ENTPD3: variants seen among roughly 807,000 people sequenced by gnomAD.
ENTPD3 encodes ectonucleoside triphosphate diphosphohydrolase 3.
In ENTPD3, 60 loss-of-function variants were observed where a neutral mutation model predicts 51.2. That is an observed-to-expected ratio of 1.17 (90% CI 0.95 to 1.45). The LOEUF (loss-of-function observed/expected upper bound fraction) is 1.45, where lower values mean the gene tolerates loss of function less well. ENTPD3 is among the 40% of genes most tolerant of loss of function. ENTPD3 has a pLI of 0.00. For synonymous variants in ENTPD3, 221 were observed against 238.4 expected, an observed-to-expected ratio of 0.93 and a Z score of 0.67; for missense variants, 593 against 641.1, an observed-to-expected ratio of 0.93 and a Z score of 0.81.
intron 5 of ENTPD3, among the ~76,000 whole-genome samples, chr3:40,412,719 T>C (rs1389438350): frequency 1.3e-5 from 2 of 152,196 alleles, no homozygotes; most frequent in African/African-American, 2.4e-5. Flanking sequence ...CGCAAAATTA[T>C]CTATGTCTGA....
At chr3:40,415,765 C>A in intron 6 of ENTPD3, 75 bp from the exon 7 acceptor site, 1 of 1,174,296 alleles carries the variant, frequency 8.5e-7, no homozygotes, top group Non-Finnish European at 1.3e-6. Flanking sequence ...GGAGACGAGG[C>A]TTGGGTGGAG....
intron 4 of ENTPD3, among the ~76,000 whole-genome samples, chr3:40,405,247 T>C (rs764796298): frequency 4.6e-5 from 7 of 152,158 alleles, no homozygotes; most frequent in African/African-American, 7.2e-5. Flanking sequence ...GGCTCATGCC[T>C]GTAATCCCAG....
intron 3 of ENTPD3, among the ~76,000 whole-genome samples, chr3:40,399,880 A>G (rs1347098340): frequency 6.6e-6 from 1 of 152,174 alleles, no homozygotes; most frequent in Non-Finnish European, 1.5e-5. Flanking sequence ...ACACATTGCC[A>G]AAGTGTGATC....
rs980738242 is a variant in ENTPD3 at position 40,389,051 on chromosome 3, C to T, written c.40+954C>T. Among the ~76,000 whole-genome samples, 4 of 152,236 alleles carry T rather than the reference C, an allele frequency of 2.6e-5. No individual in the cohort carries two copies. The East Asian group carries it at 5.8e-4, about 22-fold the overall frequency. On this transcript the variant is annotated intron_variant, in intron 2 of 10. Coordinates refer to ENST00000301825, the MANE Select transcript of ENTPD3 (RefSeq NM_001248.4). ...GGATAGTAAGGGCAATCTATATGAA[C>T]TTTTATTTTTGTAAAGGGACATTGC...
chr3:40,424,556 TA>T (rs1301695949), intron 10 of ENTPD3, among the ~76,000 whole-genome samples: 1 of 151,904 alleles, frequency 6.6e-6, no homozygotes, highest in Non-Finnish European at 1.5e-5. Flanking sequence ...TTAATATATT[TA>T]AAAATATGTA....
intron 3 of ENTPD3, among the ~76,000 whole-genome samples, chr3:40,397,564 A>T (rs185055416): frequency 6.6e-6 from 1 of 152,300 alleles, no homozygotes; most frequent in African/African-American, 2.4e-5. Flanking sequence ...CACTTTCTGC[A>T]GTGCCTAGAA....
At chr3:40,391,028 T>C (rs1429133245) in intron 2 of ENTPD3, 8 of 152,184 alleles carry the variant, frequency 5.3e-5, no homozygotes, top group African/African-American at 1.4e-4. Flanking sequence ...AGTAGTTTGA[T>C]CTCAACTCAT....
At chr3:40,410,948 G>T (rs1370072382) in intron 4 of ENTPD3, among the ~76,000 whole-genome samples, 1 of 152,058 alleles carries the variant, frequency 6.6e-6, no homozygotes, top group African/African-American at 2.4e-5. Flanking sequence ...GAATGAGAAC[G>T]AATATGGAGG....
intron 4 of ENTPD3, among the ~76,000 whole-genome samples, chr3:40,407,157 G>A (rs1345567861): frequency 6.6e-6 from 1 of 152,096 alleles, no homozygotes; most frequent in Non-Finnish European, 1.5e-5. Flanking sequence ...TTGGTTTTGG[G>A]CATATTAAGT....
intron 7 of ENTPD3, 113 bp from the exon 8 acceptor site, chr3:40,422,737 T>G: frequency 6.9e-6 from 6 of 875,550 alleles, no homozygotes; most frequent in Non-Finnish European, 1.0e-5. Context: ...TGTGCCATAT[T>G]TTCTTAATCC....
At position 40,427,135 on chromosome 3, in the gene ENTPD3, C is replaced by T. The variant is rs6796122; in HGVS notation, c.1354-137C>T. 6.4e-3 allele frequency: 4,504 copies of T among 700,438 alleles called. 135 individuals carry two copies. In the African/African-American group the frequency reaches 0.068, roughly 11 times the overall value. 43.4% of individuals were successfully genotyped at this position (700,438 alleles called of 1,614,324 possible). The stretch of plus-strand genomic sequence containing the variant: ...TTGTGGCTACAGTGTGGTGTCTTAA[C>T]TTGGGCAAGTCCTTTGACCTCTTTG... On this transcript the variant is annotated intron_variant, in intron 10 of 10. Coordinates refer to ENST00000301825, the MANE Select transcript of ENTPD3 (RefSeq NM_001248.4).
chr3:40,388,251 T>C (rs1166898088), intron 2 of ENTPD3, among the ~76,000 whole-genome samples, 154 bp downstream of exon 2: 1 of 152,134 alleles, frequency 6.6e-6, no homozygotes, highest in Non-Finnish European at 1.5e-5. Context: ...AACACCGGCA[T>C]TCCTCAAATA....
In ENTPD3 at chr3:40,400,975, G is replaced by A. The variant is rs140869368; in HGVS notation, c.250G>A (p.Gly84Arg). ...GCCAGCAGAAAAAGAGAATAATACC[G>A]GAGTGGTCAGTCAAACCTTCAAATG... is the stretch of plus-strand genomic sequence containing the variant. Reference protein sequence around the residue: ...QWPAEKENNTGVVSQTFKCSV... With the variant: ...QWPAEKENNTRVVSQTFKCSV... Residue 84 changes from glycine to arginine, a missense_variant, in exon 4 of 11, where the codon GGA (glycine) becomes AGA (arginine). Coordinates refer to ENST00000301825, the MANE Select transcript of ENTPD3 (RefSeq NM_001248.4). 2.9e-5 allele frequency: 47 copies of A among 1,613,630 alleles called. 1 individual carries two copies. The highest frequency in any genetic ancestry group is 3.3e-4 in the Middle Eastern group (2 of 6,078).
chr3:40,397,790 C>T (rs1180674589), intron 3 of ENTPD3, among the ~76,000 whole-genome samples: 2 of 152,066 alleles, frequency 1.3e-5, no homozygotes, highest in Admixed American at 6.6e-5. Flanking sequence ...TAACCAGTTT[C>T]CTTATTCTAT....
intron 2 of ENTPD3, chr3:40,391,218 C>G (rs909964648): frequency 2.6e-5 from 4 of 152,026 alleles, no homozygotes; most frequent in African/African-American, 9.7e-5. Context: ...CCCACTTCGG[C>G]CTCCCAAAGT....
At chr3:40,392,266 G>T in intron 3 of ENTPD3, 116 bp downstream of exon 3, 1 of 1,230,262 alleles carries the variant, frequency 8.1e-7, no homozygotes. Context: ...ATCTCTGGCT[G>T]AAGCCAGGAG....
intron 3 of ENTPD3, among the ~76,000 whole-genome samples, chr3:40,393,146 A>G (rs1955103795): frequency 6.6e-6 from 1 of 152,160 alleles, no homozygotes; most frequent in Admixed American, 6.5e-5. Context: ...AGGTGATTCC[A>G]TGAGAGGCTG....
intron 7 of ENTPD3, among the ~76,000 whole-genome samples, chr3:40,420,229 TTTTC>T (rs993206661): frequency 6.7e-6 from 1 of 149,662 alleles, no homozygotes; most frequent in Non-Finnish European, 1.5e-5. Context: ...TTTTTTTCTT[TTTTC>T]TTTTTTTCTT....
intron 3 of ENTPD3, among the ~76,000 whole-genome samples, chr3:40,397,954 TTCCCA>T (rs1955248708): frequency 6.6e-6 from 1 of 152,196 alleles, no homozygotes; most frequent in South Asian, 2.1e-4. Flanking sequence ...CTGAAATTCA[TTCCCA>T]TCCCCTCTCC....
Sources: gnomAD v4.1 joint callset for allele counts (sites outside exome capture counted in the v4.1 genomes callset) on GRCh38, gnomAD v4.1.1 for gene constraint, MANE v1.5 for transcripts, NCBI Gene and HGNC (gene_info 2026-07-23, HGNC 2026-07-21) for gene names.